The following VPS13B variants were observed in gnomAD, a reference collection of about 807,000 sequenced individuals.
VPS13B encodes vacuolar protein sorting 13 homolog B, also known as intermembrane lipid transfer protein VPS13B.
VPS13B carries 285 observed loss-of-function variants against 426.4 expected under a neutral mutation model. The observed-to-expected ratio is 0.67, with a 90% confidence interval of 0.61 to 0.74. The LOEUF (loss-of-function observed/expected upper bound fraction) is 0.74, where lower values mean the gene tolerates loss of function less well. VPS13B is among the 30% of genes least tolerant of loss of function. The pLI, the probability that VPS13B is intolerant of heterozygous loss-of-function variation, is 0.00. For missense variants in VPS13B, 4,537 were observed against 4,782.6 expected (o/e 0.95, Z 1.51); for synonymous variants, 1,676 against 1,676.4 (o/e 1.00, Z 0.01).
At chr8:99,796,128 C>A (rs1200593103) in intron 43 of VPS13B, among the ~76,000 whole-genome samples, 2 of 151,808 alleles carry the variant, frequency 1.3e-5, no homozygotes, top group African/African-American at 4.8e-5. Context: ...GTTTTAAAAT[C>A]CAAAAAGGAT....
chr8:99,431,456 C>A lies in VPS13B; in HGVS notation c.3083-81C>A, dbSNP rs140677395. The A allele has an allele frequency of 8.3e-4, 1,263 of 1,524,138 alleles. 14 individuals are homozygous for A. In the African/African-American group the frequency reaches 0.015, roughly 18 times the overall value. The allele number at this position is 1,524,138 out of a possible 1,614,324, so 94.4% of individuals were successfully genotyped here. A position where few individuals can be genotyped will look rare whatever the true frequency, so the allele number is the denominator to read the frequency against. On this transcript the variant is annotated intron_variant, in intron 21 of 61. Transcript: ENST00000357162. ...TTATAATTTTAAGCAAGGAAAGAAA[C>A]AATCTTGAAAATACGTTTGGTATGT... is the stretch of plus-strand genomic sequence containing the variant.
At chr8:99,147,481 TC>T (rs1810800956) in intron 13 of VPS13B, among the ~76,000 whole-genome samples, 1 of 152,140 alleles carries the variant, frequency 6.6e-6, no homozygotes, top group African/African-American at 2.4e-5. Context: ...AGCTGGATCT[TC>T]CCCCTCCCCA....
chr8:99,424,991 T>A (rs558362659), intron 21 of VPS13B, among the ~76,000 whole-genome samples: 2 of 152,112 alleles, frequency 1.3e-5, no homozygotes, highest in Admixed American at 6.5e-5. Context: ...CCTCAACACA[T>A]ACACCCTTCC....
chr8:99,075,856 T>C lies in VPS13B; in HGVS notation c.292-20456T>C, dbSNP rs538369768. 1.1e-3 allele frequency among the ~76,000 whole-genome samples: 166 copies of C among 152,198 alleles called. 1 individual carries two copies. Among genetic ancestry groups the C allele is most frequent in the Non-Finnish European group, 2.0e-3 (134 of 68,040 alleles). On this transcript the variant is annotated intron_variant, in intron 3 of 61. Coordinates refer to ENST00000357162, the MANE Select transcript of VPS13B (RefSeq NM_152564.5). Reference sequence around the variant, plus strand: ...TTTGTTTCATTGATCATGTATATTGTTTAGTCTCTAGTTATTTCTGCTCTG... The same window carrying C: ...TTTGTTTCATTGATCATGTATATTGCTTAGTCTCTAGTTATTTCTGCTCTG...
chr8:99,066,148 C>G (rs1040901478), intron 3 of VPS13B, among the ~76,000 whole-genome samples: 1 of 152,244 alleles, frequency 6.6e-6, no homozygotes, highest in Non-Finnish European at 1.5e-5. Flanking sequence ...TTGGAAAAAA[C>G]TACTTTAAAG....
At chr8:99,396,547 G>A (rs1236849781) in intron 21 of VPS13B, among the ~76,000 whole-genome samples, 1 of 152,004 alleles carries the variant, frequency 6.6e-6, no homozygotes, top group Non-Finnish European at 1.5e-5. Flanking sequence ...TGGCAGTCCT[G>A]CAAATCAGGT....
At chr8:99,194,926 A>G (rs974181456) in intron 17 of VPS13B, among the ~76,000 whole-genome samples, 6 of 151,908 alleles carry the variant, frequency 3.9e-5, no homozygotes, top group Non-Finnish European at 5.9e-5. Flanking sequence ...GCTCACTGCA[A>G]CCTCCGCCTC....
At chr8:99,841,749 C>T (rs759263663) in intron 54 of VPS13B, among the ~76,000 whole-genome samples, 11 of 152,258 alleles carry the variant, frequency 7.2e-5, no homozygotes, top group Middle Eastern at 3.4e-3. Flanking sequence ...ATCTCAGAAA[C>T]GTCTCTGGAA....
chr8:99,144,171 A>G lies in VPS13B; in HGVS notation c.1843+1006A>G, dbSNP rs138740657. 9.8e-3 allele frequency among the ~76,000 whole-genome samples: 1,493 copies of G among 152,068 alleles called. 14 individuals carry two copies. The highest frequency in any genetic ancestry group is 0.013 in the Non-Finnish European group (896 of 67,970). ...TGTGATGGCACCATGTCCGCCCTGG[A>G]TCCTTTAGACTCAGATTGTTTCATG... On this transcript the variant is annotated intron_variant, in intron 13 of 61. Transcript: ENST00000357162.
Position 99,776,487 on chromosome 8 carries a change from G to A in VPS13B, c.7248-288G>A, listed in dbSNP as rs1245519897. The stretch of plus-strand genomic sequence containing the variant: ...CAGCTAATTTTCTGGATGAGGTGAG[G>A]TCTCACTATGTTACCCAGGCTGGTC... On this transcript the variant is annotated intron_variant, in intron 40 of 61. Transcript: ENST00000357162. 4.6e-5 allele frequency among the ~76,000 whole-genome samples: 7 copies of A among 152,232 alleles called. No individual in the cohort carries two copies. The East Asian group carries it at 9.7e-4, about 21-fold the overall frequency.
At chr8:99,497,315 T>G (rs1820976644) in intron 25 of VPS13B, among the ~76,000 whole-genome samples, 1 of 145,540 alleles carries the variant, frequency 6.9e-6, no homozygotes, top group South Asian at 2.1e-4. Flanking sequence ...TAAAATAATA[T>G]GTATATATTT....
At chr8:99,135,187 A>G in intron 10 of VPS13B, 50 bp downstream of exon 10, 1 of 1,609,204 alleles carries the variant, frequency 6.2e-7, no homozygotes, top group African/African-American at 1.3e-5. Flanking sequence ...GGAATAATTA[A>G]GTGCTTACTG....
chr8:99,058,046 T>G (rs962702719), intron 3 of VPS13B, among the ~76,000 whole-genome samples: 4 of 152,202 alleles, frequency 2.6e-5, no homozygotes, highest in Non-Finnish European at 4.4e-5. Flanking sequence ...TCTAGTTGTT[T>G]TCGAAGTGTG....
intron 2 of VPS13B, among the ~76,000 whole-genome samples, chr8:99,025,056 A>G (rs534845369): frequency 3.3e-5 from 5 of 152,228 alleles, no homozygotes; most frequent in African/African-American, 1.2e-4. Context: ...GCTATTCGAA[A>G]TGGGATCACT....
At chr8:99,492,545 T>A (rs552833398) in intron 25 of VPS13B, among the ~76,000 whole-genome samples, 186 of 152,320 alleles carry the variant, frequency 1.2e-3, no homozygotes, top group African/African-American at 4.2e-3. Context: ...TCCCTGTCAC[T>A]TAGTTTACTT....
At chr8:99,860,166 T>C (rs1283801596) in intron 57 of VPS13B, among the ~76,000 whole-genome samples, 2 of 152,196 alleles carry the variant, frequency 1.3e-5, no homozygotes, top group Non-Finnish European at 2.9e-5. Context: ...GTAAAAGGCA[T>C]CTGACTATAG....
chr8:99,687,281 C>T (rs1466221816), intron 35 of VPS13B, among the ~76,000 whole-genome samples: 3 of 152,002 alleles, frequency 2.0e-5, no homozygotes, highest in Admixed American at 6.5e-5. Context: ...CCCAGAGCTG[C>T]GAGCTGTGCT....
chr8:99,493,966 G>T (rs1169117982), intron 25 of VPS13B, among the ~76,000 whole-genome samples: 1 of 151,830 alleles, frequency 6.6e-6, no homozygotes. Flanking sequence ...TTCATACTAT[G>T]TATTGATAAA....
chr8:99,778,643 C>G, intron 41 of VPS13B, 39 bp from the exon 42 acceptor site: 1 of 1,556,772 alleles, frequency 6.4e-7, no homozygotes, highest in Non-Finnish European at 8.9e-7. Context: ...AATATTGGCT[C>G]ATCTTAATTG....
Sources: allele counts gnomAD v4.1 joint callset (sites outside exome capture counted in the v4.1 genomes callset), GRCh38; gene constraint gnomAD v4.1.1; transcripts MANE v1.5; gene names NCBI Gene and HGNC (gene_info 2026-07-23, HGNC 2026-07-21).